CNST: variants seen among roughly 807,000 people sequenced by gnomAD.
CNST encodes consortin, connexin sorting protein.
A neutral mutation model predicts 72.4 loss-of-function variants in CNST; 39 were observed. That is an observed-to-expected ratio of 0.54 (90% confidence interval 0.42 to 0.70). The LOEUF is 0.70. CNST is among the 30% of genes least tolerant of loss of function. The pLI is 0.00. For missense variants in CNST, 871 were observed against 868.5 expected, an observed-to-expected ratio of 1.00 and a Z score of -0.04; for synonymous variants, 332 against 320.1, an observed-to-expected ratio of 1.04 and a Z score of -0.40.
chr1:246,617,342 A>T (rs1572184345), intron 2 of CNST, among the ~76,000 whole-genome samples: 1 of 152,246 alleles, frequency 6.6e-6, no homozygotes, highest in East Asian at 1.9e-4. Flanking sequence ...CCTATTATTC[A>T]CTATGACATG....
chr1:246,600,083 T>C (rs1323191394), intron 2 of CNST, among the ~76,000 whole-genome samples: 1 of 152,146 alleles, frequency 6.6e-6, no homozygotes, highest in Non-Finnish European at 1.5e-5. Flanking sequence ...AAATAGGTGC[T>C]AGTGAAGTAA....
chr1:246,655,289 C>T (rs1666714356), intron 9 of CNST, among the ~76,000 whole-genome samples: 1 of 152,114 alleles, frequency 6.6e-6, no homozygotes, highest in African/African-American at 2.4e-5. Context: ...CATCATCATG[C>T]GTTTTTCCCC....
intron 8 of CNST, among the ~76,000 whole-genome samples, chr1:246,643,922 A>C (rs1665877916): frequency 6.6e-6 from 1 of 152,150 alleles, no homozygotes; most frequent in Non-Finnish European, 1.5e-5. Flanking sequence ...CTATTTTGTA[A>C]ATAATACATT....
At chr1:246,624,300 C>A (rs1664279188) in intron 3 of CNST, among the ~76,000 whole-genome samples, 1 of 152,150 alleles carries the variant, frequency 6.6e-6, no homozygotes, top group African/African-American at 2.4e-5. Context: ...TCTTTTCTCT[C>A]CTGGGAAAGA....
At chr1:246,634,623 G>A in intron 6 of CNST, 36 bp downstream of exon 6, 1 of 1,139,758 alleles carries the variant, frequency 8.8e-7, no homozygotes, top group Non-Finnish European at 1.3e-6. Context: ...ATGAGTTGGA[G>A]TAGAATATTG....
At chr1:246,605,808 GCGTGTCTTCCAGCCGGGGTA>G (rs1662731155) in intron 2 of CNST, 1 of 51,144 alleles carries the variant, frequency 2.0e-5, no homozygotes, top group Non-Finnish European at 5.3e-5. Flanking sequence ...CGGCCGGGGT[GCGTGTCTTCCAGCCGGGGTA>G]GGTGTCTTCC....
rs746561510 is a variant in CNST at position 246,665,807 on chromosome 1, TCACCTGTTTGTA to T, written c.2082_2093del (p.Pro695_Thr698del). 6.2e-7 allele frequency: 1 copy of T among 1,613,964 alleles called. No individual in the cohort carries two copies. The highest frequency in any genetic ancestry group is 8.5e-7 in the Non-Finnish European group (1 of 1,179,924). ...ATACTGCACTTTCGGTGACATGGAG[TCACCTGTTTGTA>T]CTGACTTTGCAGACAACATGGACTT... On this transcript the variant is annotated inframe_deletion, in exon 11 of 11. Transcript: ENST00000366513.
intron 2 of CNST, among the ~76,000 whole-genome samples, chr1:246,620,795 C>A (rs1205031811): frequency 2.0e-5 from 3 of 147,344 alleles, no homozygotes; most frequent in Admixed American, 2.0e-4. Context: ...TGGGCACACT[C>A]TACAGGGAAG....
chr1:246,626,638 G>A (rs1483886453), intron 3 of CNST, among the ~76,000 whole-genome samples: 1 of 151,348 alleles, frequency 6.6e-6, no homozygotes, highest in East Asian at 1.9e-4. Context: ...TAAATTTTTA[G>A]CAGAGACGGG....
intron 9 of CNST, chr1:246,648,254 A>G (rs1293851838): frequency 1.4e-5 from 19 of 1,312,792 alleles, no homozygotes; most frequent in East Asian, 6.3e-5. Flanking sequence ...AAGATGTTCT[A>G]TTGCATGCCT....
At chr1:246,613,973 C>T (rs1008058807) in intron 2 of CNST, among the ~76,000 whole-genome samples, 6 of 151,810 alleles carry the variant, frequency 4.0e-5, no homozygotes, top group African/African-American at 1.2e-4. Context: ...AGCTTACAGG[C>T]ATGAGCCACT....
intron 4 of CNST, among the ~76,000 whole-genome samples, chr1:246,633,387 T>C (rs1664902093): frequency 6.6e-6 from 1 of 150,576 alleles, no homozygotes; most frequent in Non-Finnish European, 1.5e-5. Flanking sequence ...AGGGGGAGGT[T>C]GCAATAAGCC....
At chr1:246,653,708 A>G (rs1482955826) in intron 9 of CNST, among the ~76,000 whole-genome samples, 1 of 152,158 alleles carries the variant, frequency 6.6e-6, no homozygotes, top group Non-Finnish European at 1.5e-5. Context: ...CTCTTGCGCA[A>G]AGCTCTTTTT....
chr1:246,644,613 G>A (rs957346894), intron 8 of CNST, among the ~76,000 whole-genome samples: 2 of 152,166 alleles, frequency 1.3e-5, no homozygotes, highest in Non-Finnish European at 2.9e-5. Flanking sequence ...GAGCAGCTAC[G>A]GAGGAGGTTA....
At chr1:246,622,552 A>G (rs1664161754) in intron 3 of CNST, among the ~76,000 whole-genome samples, 1 of 152,182 alleles carries the variant, frequency 6.6e-6, no homozygotes, top group African/African-American at 2.4e-5. Context: ...TGAAGATGTT[A>G]AAAGAGGAGG....
At chr1:246,645,676 C>T (rs1666017755) in intron 8 of CNST, among the ~76,000 whole-genome samples, 1 of 151,954 alleles carries the variant, frequency 6.6e-6, no homozygotes, top group South Asian at 2.1e-4. Context: ...ATCCATCCGC[C>T]TCGGCCTCCC....
chr1:246,656,564 G>A (rs977068981), intron 9 of CNST, among the ~76,000 whole-genome samples: 68 of 152,114 alleles, frequency 4.5e-4, no homozygotes, highest in Middle Eastern at 3.2e-3. Context: ...ACTAAATTTA[G>A]TTTTAAGGCT....
rs528082197 is a variant in CNST, at chr1:246,578,258, G to C, written c.-52+11595G>C. 3.3e-4 allele frequency among the ~76,000 whole-genome samples: 50 copies of C among 152,144 alleles called. 1 individual carries two copies. The highest frequency in any genetic ancestry group is 1.1e-3 in the African/African-American group (47 of 41,432). The stretch of plus-strand genomic sequence containing the variant: ...AGAAAAATTCTAAAACAATAAATAA[G>C]CAAATTCGAGACAGTGTCTACTAAA... On this transcript the variant is annotated intron_variant, in intron 1 of 10. Coordinates refer to ENST00000366513, the MANE Select transcript of CNST (RefSeq NM_152609.3).
At chr1:246,658,307 T>C (rs1378812010) in intron 9 of CNST, among the ~76,000 whole-genome samples, 1 of 152,332 alleles carries the variant, frequency 6.6e-6, no homozygotes, top group East Asian at 1.9e-4. Flanking sequence ...ATAAAACCTG[T>C]TTTCTCTGTT....
Sources: allele counts gnomAD v4.1 joint callset (sites outside exome capture counted in the v4.1 genomes callset), GRCh38; gene constraint gnomAD v4.1.1; transcripts MANE v1.5; gene names NCBI Gene and HGNC (gene_info 2026-07-23, HGNC 2026-07-21).